The following SNTG1 variants were observed in gnomAD, a reference collection of about 807,000 sequenced individuals.
SNTG1 encodes gamma-1-syntrophin.
SNTG1 carries 39 observed loss-of-function variants against 74.7 expected under a neutral mutation model. That is an observed-to-expected ratio of 0.52 (90% CI 0.40 to 0.68). The LOEUF is 0.68. SNTG1 is among the 30% of genes least tolerant of loss of function. The pLI, the probability that SNTG1 is intolerant of heterozygous loss-of-function variation, is 0.00. For missense variants in SNTG1, 685 were observed against 609.5 expected (o/e 1.12, Z -1.30); for synonymous variants, 254 against 217.1 (o/e 1.17, Z -1.49).
chr8:50,108,890 G>C (rs2080480342), intron 1 of SNTG1, among the ~76,000 whole-genome samples: 1 of 152,102 alleles, frequency 6.6e-6, no homozygotes, highest in Non-Finnish European at 1.5e-5. Flanking sequence ...AGAGACCCAG[G>C]AATTTGCAGA....
intron 1 of SNTG1, among the ~76,000 whole-genome samples, chr8:49,918,771 A>G (rs1196459351): frequency 6.6e-6 from 1 of 152,122 alleles, no homozygotes; most frequent in Non-Finnish European, 1.5e-5. Context: ...AAAGGGAAAA[A>G]CAATTCTGCA....
intron 13 of SNTG1, among the ~76,000 whole-genome samples, chr8:50,628,540 A>G (rs951998272): frequency 2.7e-5 from 4 of 150,266 alleles, no homozygotes; most frequent in African/African-American, 9.8e-5. Flanking sequence ...TTTTACTTCC[A>G]TTTTTTTTCT....
At chr8:50,030,711 A>G (rs913607542) in intron 1 of SNTG1, among the ~76,000 whole-genome samples, 3 of 151,958 alleles carry the variant, frequency 2.0e-5, no homozygotes, top group South Asian at 2.1e-4. Context: ...TCTATTGTCA[A>G]TGCCTCCACC....
At chr8:50,622,961 T>C (rs1487121517) in intron 13 of SNTG1, among the ~76,000 whole-genome samples, 2 of 152,178 alleles carry the variant, frequency 1.3e-5, no homozygotes, top group African/African-American at 4.8e-5. Flanking sequence ...TATAAGTGTT[T>C]TTAAAAATTT....
intron 15 of SNTG1, among the ~76,000 whole-genome samples, chr8:50,665,351 G>A (rs1281929016): frequency 6.6e-6 from 1 of 152,038 alleles, no homozygotes; most frequent in Non-Finnish European, 1.5e-5. Flanking sequence ...AATAAATTCT[G>A]TTGTATTGGA....
rs1033932900 is a variant in SNTG1 at position 50,024,800 on chromosome 8, T to C, written c.-103+112569T>C. ...TCCTACTTGCGATGATGGAAGAGTA[T>C]GAAAAAGATGGCTACTAAGGGATTA... On this transcript the variant is annotated intron_variant, in intron 1 of 18. Coordinates refer to ENST00000642720, the MANE Select transcript of SNTG1 (RefSeq NM_018967.5). Among the ~76,000 whole-genome samples the C allele has an allele frequency of 2.0e-5, 3 of 152,096 alleles. No individual in the cohort carries two copies. The South Asian group carries it at 6.2e-4, about 32-fold the overall frequency.
chr8:50,177,445 C>A (rs1411111488), intron 2 of SNTG1, among the ~76,000 whole-genome samples: 1 of 152,136 alleles, frequency 6.6e-6, no homozygotes. Context: ...TCCCTCTGTC[C>A]TGGATGCAAA....
chr8:50,288,294 T>G (rs894767372), intron 2 of SNTG1, among the ~76,000 whole-genome samples: 1 of 152,142 alleles, frequency 6.6e-6, no homozygotes, highest in Non-Finnish European at 1.5e-5. Context: ...TTTTTAATTG[T>G]TTTACAAAAA....
chr8:50,682,140 G>A (rs1016496434), intron 15 of SNTG1, among the ~76,000 whole-genome samples: 10 of 152,098 alleles, frequency 6.6e-5, no homozygotes, highest in African/African-American at 2.2e-4. Flanking sequence ...TTCTATAGAA[G>A]GGTGTGACTT....
intron 10 of SNTG1, 143 bp from the exon 11 acceptor site, chr8:50,536,535 T>G: frequency 1.1e-6 from 1 of 918,996 alleles, no homozygotes; most frequent in Non-Finnish European, 1.6e-6. Flanking sequence ...TGTCCATAAT[T>G]TGGACTTCTT....
intron 1 of SNTG1, among the ~76,000 whole-genome samples, chr8:49,926,294 C>CA (rs1251090182): frequency 1.3e-5 from 2 of 150,206 alleles, no homozygotes; most frequent in East Asian, 3.9e-4. Flanking sequence ...TGAAAGGTAA[C>CA]AAAAAATCTA....
intron 5 of SNTG1, among the ~76,000 whole-genome samples, chr8:50,443,260 T>A (rs1453091839): frequency 1.3e-5 from 2 of 152,182 alleles, no homozygotes; most frequent in Non-Finnish European, 2.9e-5. Flanking sequence ...TAAATTATAC[T>A]TCTGTTCATT....
At chr8:50,414,836 A>G (rs1039520822) in intron 4 of SNTG1, among the ~76,000 whole-genome samples, 3 of 151,964 alleles carry the variant, frequency 2.0e-5, no homozygotes, top group Admixed American at 6.6e-5. Context: ...CCATTTGCCA[A>G]CTTTGTGAAC....
At chr8:50,737,001 A>G (rs1270249423) in intron 17 of SNTG1, among the ~76,000 whole-genome samples, 1 of 152,078 alleles carries the variant, frequency 6.6e-6, no homozygotes, top group East Asian at 1.9e-4. Context: ...CAATTAAAAG[A>G]ACTAGAGAAG....
intron 2 of SNTG1, among the ~76,000 whole-genome samples, chr8:50,321,626 C>T (rs1476229224): frequency 6.6e-6 from 1 of 151,866 alleles, no homozygotes; most frequent in Non-Finnish European, 1.5e-5. Flanking sequence ...TCTTCTTTTA[C>T]TGAAGCTGAC....
chr8:50,475,121 A>T (rs1460593090), intron 8 of SNTG1, among the ~76,000 whole-genome samples: 1 of 151,578 alleles, frequency 6.6e-6, no homozygotes, highest in East Asian at 1.9e-4. Flanking sequence ...AGATATACTG[A>T]ATGCTAAATG....
chr8:50,737,108 A>G (rs1389707758), intron 17 of SNTG1, among the ~76,000 whole-genome samples: 1 of 152,140 alleles, frequency 6.6e-6, no homozygotes, highest in Non-Finnish European at 1.5e-5. Flanking sequence ...CCTTCAAAAA[A>G]TCAATGAATC....
chr8:50,409,851 T>C (rs1219820991), intron 4 of SNTG1, among the ~76,000 whole-genome samples: 2 of 152,142 alleles, frequency 1.3e-5, no homozygotes, highest in African/African-American at 2.4e-5. Flanking sequence ...GTTTCAAAGG[T>C]GTTGCTAGTA....
At chr8:50,703,367 A>G (rs6993000) in intron 15 of SNTG1, among the ~76,000 whole-genome samples, 142,897 of 152,076 alleles carry the variant, frequency 0.94, 67,181 homozygotes, top group East Asian at 1. Context: ...ACACACATTA[A>G]CCTTGGCCTG....
Sources: allele counts gnomAD v4.1 joint callset (sites outside exome capture counted in the v4.1 genomes callset), GRCh38; gene constraint gnomAD v4.1.1; transcripts MANE v1.5; gene names NCBI Gene and HGNC (gene_info 2026-07-23, HGNC 2026-07-21).